The following SRFBP1 variants were observed in gnomAD, a reference collection of about 807,000 sequenced individuals.
SRFBP1 encodes the protein serum response factor-binding protein 1.
SRFBP1 carries 47 observed loss-of-function variants against 45.5 expected under a neutral mutation model. The ratio of observed to expected loss-of-function variants is 1.03; its 90% confidence interval spans 0.82 to 1.32. The LOEUF (loss-of-function observed/expected upper bound fraction) is 1.32, where lower values mean the gene tolerates loss of function less well. SRFBP1 is among the 40% of genes most tolerant of loss of function. SRFBP1 has a pLI of 0.00. For missense variants in SRFBP1, 621 were observed against 484.6 expected (o/e 1.28, Z -2.64); for synonymous variants, 203 against 166.3 (o/e 1.22, Z -1.70).
At chr5:122,049,729 A>G (rs1208476399) in intron 2 of SRFBP1, among the ~76,000 whole-genome samples, 2 of 152,176 alleles carry the variant, frequency 1.3e-5, no homozygotes, top group African/African-American at 4.8e-5. Context: ...AACTCACTCA[A>G]AACCGCCAAC....
chr5:122,076,832 G>C (rs532370742), downstream of SRFBP1: 588 of 1,452,248 alleles, frequency 4.0e-4, 1 homozygote, highest in Non-Finnish European at 5.5e-4. Context: ...TCAGAACCAG[G>C]CACCAGAGCG....
At chr5:122,059,648 A>C (rs1374018344) in intron 2 of SRFBP1, among the ~76,000 whole-genome samples, 1 of 152,098 alleles carries the variant, frequency 6.6e-6, no homozygotes, top group African/African-American at 2.4e-5. Flanking sequence ...ACTGTCATTC[A>C]ACTTCTCTGC....
intron 2 of SRFBP1, among the ~76,000 whole-genome samples, chr5:122,041,135 G>A: frequency 6.6e-6 from 1 of 152,244 alleles, no homozygotes; most frequent in Admixed American, 6.5e-5. Flanking sequence ...CACCAGTTAG[G>A]AGGCTATTAG....
At chr5:122,005,005 A>G (rs968377827) in intron 4 of SRFBP1, among the ~76,000 whole-genome samples, 3 of 152,184 alleles carry the variant, frequency 2.0e-5, no homozygotes, top group African/African-American at 7.2e-5. Flanking sequence ...TTGTGGTCAG[A>G]AAAGATACTT....
intron 2 of SRFBP1, among the ~76,000 whole-genome samples, chr5:122,039,997 C>A (rs966261567): frequency 2.6e-5 from 4 of 151,986 alleles, no homozygotes; most frequent in African/African-American, 9.7e-5. Context: ...AACTATTATA[C>A]CTTTATATTT....
Position 122,050,013 on chromosome 5 carries a change from T to A in SRFBP1, n.312-25302T>A, listed in dbSNP as rs180900547. On this transcript the variant is annotated intron_variant and non_coding_transcript_variant, in intron 2 of 2. Transcript: ENST00000504881. Reference sequence around the variant, plus strand: ...TCTATTTAGATAATCACGTGGTTATTATTTGTAGTTCTGCTTATGTGATTA... The same window carrying A: ...TCTATTTAGATAATCACGTGGTTATAATTTGTAGTTCTGCTTATGTGATTA... Among the ~76,000 whole-genome samples the A allele has an allele frequency of 6.4e-4, 98 of 152,276 alleles. 3 individuals are homozygous for A. In the South Asian group the frequency reaches 0.017, roughly 26 times the overall value.
chr5:122,060,795 T>C (rs1202793833), intron 2 of SRFBP1, among the ~76,000 whole-genome samples: 1 of 152,124 alleles, frequency 6.6e-6, no homozygotes, highest in East Asian at 1.9e-4. Context: ...GTGTTTGATT[T>C]CCTGGTTCCA....
At chr5:122,077,489 ATGCCGTCCACGC>A, downstream of SRFBP1, 1 of 1,613,888 alleles carries the variant, frequency 6.2e-7, no homozygotes, top group South Asian at 1.1e-5. The surrounding 1 kb of genome is among the most constrained non-coding windows in gnomAD (Gnocchi z 4.9). Flanking sequence ...GTCGCCCACC[ATGCCGTCCACGC>A]GGCTGGGCGG....
intron 2 of SRFBP1, chr5:122,065,890 A>G (rs1183240596): frequency 6.6e-6 from 1 of 152,094 alleles, no homozygotes; most frequent in Non-Finnish European, 1.5e-5. Context: ...GATGTATCAC[A>G]TCAGTCATCA....
In SRFBP1 at chr5:121,962,012, G is replaced by A. The variant is rs573727666; in HGVS notation, c.-21G>A. ...ACCGGTTCACGTGCAGGCAGCGGCG[G>A]ATCATATTCCTTCATCTACCATGGC... On this transcript the variant is annotated 5_prime_UTR_variant, in exon 1 of 8. Transcript: ENST00000339397. The A allele has an allele frequency of 1.9e-6, 3 of 1,613,212 alleles. No homozygotes were observed. Among genetic ancestry groups the A allele is most frequent in the African/African-American group, 2.7e-5 (2 of 74,632 alleles).
intron 1 of SRFBP1, among the ~76,000 whole-genome samples, chr5:121,968,827 G>T (rs1752130142): frequency 6.6e-6 from 1 of 152,136 alleles, no homozygotes; most frequent in African/African-American, 2.4e-5. Context: ...TTACTAATCT[G>T]ATAGGTAATT....
At chr5:122,077,294 A>G (rs1022942897), downstream of SRFBP1, 3 of 1,605,084 alleles carry the variant, frequency 1.9e-6, no homozygotes, top group Non-Finnish European at 2.6e-6. This position sits in a 1 kb window ranked among gnomAD's most constrained non-coding sequence, Gnocchi z 4.9. Flanking sequence ...AGCCACGTCG[A>G]GAAGCCACAT....
intron 4 of SRFBP1, 78 bp downstream of exon 4, chr5:121,994,748 C>T (rs1752685546): frequency 1.1e-6 from 1 of 950,096 alleles, no homozygotes; most frequent in Non-Finnish European, 1.6e-6. Flanking sequence ...GAAGAGAAAA[C>T]TTACCAAGAA....
chr5:122,035,526 C>G (rs892507714), intron 2 of SRFBP1, among the ~76,000 whole-genome samples: 3 of 152,126 alleles, frequency 2.0e-5, no homozygotes, highest in African/African-American at 4.8e-5. Context: ...GCTTGTACTT[C>G]CCTAGATCTC....
In SRFBP1 at chr5:122,003,290, A is replaced by G. The variant is rs929951624; in HGVS notation, c.270+8620A>G. Among the ~76,000 whole-genome samples the G allele has an allele frequency of 5.3e-5, 8 of 151,174 alleles. No individual in the cohort carries two copies. The East Asian group carries it at 5.9e-4, about 11-fold the overall frequency. On this transcript the variant is annotated intron_variant, in intron 4 of 7. Coordinates refer to ENST00000339397, the MANE Select transcript of SRFBP1 (RefSeq NM_152546.3). Reference sequence around the variant, plus strand: ...AGCCTGGAAGGTGGAGGTTGTAGTGAGCTGTGATCATGCCACTGCACTCCA... The same window carrying G: ...AGCCTGGAAGGTGGAGGTTGTAGTGGGCTGTGATCATGCCACTGCACTCCA...
chr5:121,975,487 A>G lies in SRFBP1; in HGVS notation c.198+100A>G, dbSNP rs552738095. The G allele has an allele frequency of 4.8e-6, 6 of 1,258,398 alleles. No homozygotes were observed. The East Asian group carries it at 1.2e-4, about 25-fold the overall frequency. 78.0% of individuals were successfully genotyped at this position (1,258,398 alleles called of 1,614,324 possible). A position where few individuals can be genotyped will look rare whatever the true frequency, so the allele number is the denominator to read the frequency against. ...TATTGCTTATTTGAATATTCCCGAG[A>G]GTTGCGTAAGACATCTTGTATCAGT... On this transcript the variant is annotated intron_variant, in intron 3 of 7. Transcript: ENST00000339397.
intron 4 of SRFBP1, among the ~76,000 whole-genome samples, chr5:122,007,624 C>A (rs1753005487): frequency 2.0e-5 from 3 of 151,464 alleles, no homozygotes; most frequent in South Asian, 4.2e-4. Flanking sequence ...GGCCCGGGAC[C>A]TGTGTAGACA....
rs577935727 is a variant in SRFBP1 at position 121,984,171 on chromosome 5, A to G, written c.198+8784A>G. Among the ~76,000 whole-genome samples the G allele has an allele frequency of 2.3e-4, 35 of 151,954 alleles. 1 individual carries two copies. In the South Asian group the frequency reaches 7.3e-3, roughly 32 times the overall value. On this transcript the variant is annotated intron_variant, in intron 3 of 7. Transcript: ENST00000339397. Reference sequence around the variant, plus strand: ...TAAAGTAGTGATTTTATTGGGAAAGATGGAGGATATATGCATAAGGCTTCG... The same window carrying G: ...TAAAGTAGTGATTTTATTGGGAAAGGTGGAGGATATATGCATAAGGCTTCG...
At chr5:122,014,553 G>A (rs1418657609) in intron 4 of SRFBP1, among the ~76,000 whole-genome samples, 2 of 150,028 alleles carry the variant, frequency 1.3e-5, no homozygotes, top group African/African-American at 5.0e-5. Context: ...TATAGAAGAA[G>A]ACATTAGAAA....
Sources: allele counts gnomAD v4.1 joint callset (sites outside exome capture counted in the v4.1 genomes callset), GRCh38; gene constraint gnomAD v4.1.1; non-coding constraint Gnocchi (gnomAD v3.1); transcripts MANE v1.5; gene names NCBI Gene and HGNC (gene_info 2026-07-23, HGNC 2026-07-21).